The following FSIP2 variants were observed in gnomAD, a reference collection of about 807,000 sequenced individuals.
The protein encoded by FSIP2 is fibrous sheath interacting protein 2.
In FSIP2, 367 loss-of-function variants were observed where a neutral mutation model predicts 510.5. That is an observed-to-expected ratio of 0.72 (90% CI 0.66 to 0.78). FSIP2 has a LOEUF of 0.78. Ranked by LOEUF, FSIP2 falls within the 30% of genes least tolerant of loss-of-function variation. The pLI is 0.00. For synonymous variants in FSIP2, 2,601 were observed against 2,732.2 expected, an observed-to-expected ratio of 0.95 and a Z score of 1.50; for missense variants, 7,594 against 7,901.7, an observed-to-expected ratio of 0.96 and a Z score of 1.48.
Position 185,802,646 on chromosome 2 carries a change from T to A in FSIP2, c.13340T>A (p.Ile4447Asn), listed in dbSNP as rs1365137646. The A allele has an allele frequency of 2.6e-6, 4 of 1,533,646 alleles. No homozygotes were observed. Among genetic ancestry groups the A allele is most frequent in the East Asian group, 4.9e-5 (2 of 40,830 alleles). The part of the protein sequence containing the change: ...ENIVQDILSN[I>N]SKSTEPSQSV... ...ATTGTTCAGGACATCCTTAGTAACATCAGTAAATCTACTGAGCCAAGCCAG... is the reference window on the plus strand; with the variant it reads ...ATTGTTCAGGACATCCTTAGTAACAACAGTAAATCTACTGAGCCAAGCCAG... Residue 4447 changes from isoleucine to asparagine, a missense_variant, in exon 17 of 23, where the codon ATC becomes AAC. Ile to Asn is a moderately radical substitution (Grantham distance 149). Coordinates refer to ENST00000424728, the MANE Select transcript of FSIP2 (RefSeq NM_173651.4).
At position 185,800,432 on chromosome 2, in the gene FSIP2, C is replaced by A. The variant is rs772434217; in HGVS notation, c.11126C>A (p.Pro3709Gln). 6.5e-7 allele frequency: 1 copy of A among 1,527,536 alleles called. No homozygotes were observed. Among genetic ancestry groups the A allele is most frequent in the South Asian group, 1.2e-5 (1 of 82,374 alleles). 94.6% of individuals were successfully genotyped at this position (1,527,536 alleles called of 1,614,324 possible). A position where few individuals can be genotyped will look rare whatever the true frequency, so the allele number is the denominator to read the frequency against. The stretch of plus-strand genomic sequence containing the variant: ...AATATTGTTTCAGATTTATTTTCAC[C>A]AGATGAATGCCTAGATACGGGTATG... ...VFNIVSDLFS[P>Q]DECLDTGMDS... The change falls in exon 17 of 23, where the codon CCA (proline) becomes CAA (glutamine). Residue 3709 changes from proline (P) to glutamine (Q), a missense_variant. By Grantham distance (76) the Pro-to-Gln change is moderately conservative. Transcript: ENST00000424728.
At chr2:185,748,550 G>C (rs546767735) in intron 7 of FSIP2, among the ~76,000 whole-genome samples, 2 of 151,958 alleles carry the variant, frequency 1.3e-5, no homozygotes, top group East Asian at 3.9e-4. Context: ...TCTCTGGGCG[G>C]CAGAGCAAGA....
intron 13 of FSIP2, 83 bp from the exon 14 acceptor site, chr2:185,782,622 A>G (rs1389564792): frequency 1.2e-6 from 1 of 825,622 alleles, no homozygotes. Flanking sequence ...ATAACAGAAA[A>G]TAAATACCTA....
At chr2:185,828,135 T>C (rs1371148241) in intron 20 of FSIP2, 21 bp from the exon 21 acceptor site, 1 of 1,446,406 alleles carries the variant, frequency 6.9e-7, no homozygotes, top group Non-Finnish European at 9.6e-7. Flanking sequence ...TATTTTACTT[T>C]TTTTTTTTTA....
At chr2:185,812,525 G>A (rs1167763241) in intron 17 of FSIP2, among the ~76,000 whole-genome samples, 1 of 151,948 alleles carries the variant, frequency 6.6e-6, no homozygotes, top group East Asian at 1.9e-4. Context: ...TTCAACAAAA[G>A]GACACAGCAG....
chr2:185,776,735 TTTATTA>T (rs1244392142), intron 13 of FSIP2, among the ~76,000 whole-genome samples: 1 of 152,084 alleles, frequency 6.6e-6, no homozygotes, highest in African/African-American at 2.4e-5. Context: ...ATGCAAGATT[TTTATTA>T]TTATTATTTT....
Position 185,807,041 on chromosome 2 carries a change from T to C in FSIP2, c.17735T>C (p.Leu5912Ser). 1 of 1,594,586 alleles carries C rather than the reference T, an allele frequency of 6.3e-7. No homozygotes were observed. Among genetic ancestry groups the C allele is most frequent in the Non-Finnish European group, 8.5e-7 (1 of 1,173,482 alleles). Reference sequence around the variant, plus strand: ...AAGATACCATCAATTGACAAAACATTGGTCAATAAAGTTGTTCACTCCTCT... The same window carrying C: ...AAGATACCATCAATTGACAAAACATCGGTCAATAAAGTTGTTCACTCCTCT... ...SDKIPSIDKT[L>S]VNKVVHSSVC... Residue 5912 changes from leucine (L) to serine (S), a missense_variant, in exon 17 of 23, where the codon TTG becomes TCG. Leu to Ser is a moderately radical substitution (Grantham distance 145, BLOSUM62 -2). Coordinates refer to ENST00000424728, the MANE Select transcript of FSIP2 (RefSeq NM_173651.4).
In FSIP2 at chr2:185,831,797, C is replaced by A. The variant is rs1354507132; in HGVS notation, c.20518-16C>A. 1.3e-6 allele frequency: 2 copies of A among 1,584,006 alleles called. No individual in the cohort carries two copies. The highest frequency in any genetic ancestry group is 1.7e-6 in the Non-Finnish European group (2 of 1,153,676). On this transcript the variant is annotated splice_polypyrimidine_tract_variant and intron_variant, in intron 21 of 22. Coordinates refer to ENST00000424728, the MANE Select transcript of FSIP2 (RefSeq NM_173651.4). ...CCAGTGAAAGACTCAGTTTGTATTTCAATTTACCTTGGCAGTTTATCACCA... is the reference window on the plus strand; with the variant it reads ...CCAGTGAAAGACTCAGTTTGTATTTAAATTTACCTTGGCAGTTTATCACCA...
At chr2:185,763,127 C>T (rs1413064897) in intron 11 of FSIP2, 56 bp from the exon 12 acceptor site, 1 of 779,552 alleles carries the variant, frequency 1.3e-6, no homozygotes. Flanking sequence ...TTAATATTAA[C>T]CCTTGTCCCA....
chr2:185,802,345 A>T lies in FSIP2; in HGVS notation c.13039A>T (p.Asn4347Tyr). 1 of 1,533,322 alleles carries T rather than the reference A, an allele frequency of 6.5e-7. No individual in the cohort carries two copies. The highest frequency in any genetic ancestry group is 8.7e-7 in the Non-Finnish European group (1 of 1,145,244). The allele number at this position is 1,533,322 out of a possible 1,614,324, so 95.0% of individuals were successfully genotyped here. The change falls in exon 17 of 23, where the codon AAT becomes TAT. Residue 4347 changes from asparagine (N) to tyrosine (Y), a missense_variant. Transcript: ENST00000424728. ...RIVNSINRHF[N>Y]KAKIHILYDD... ...AGTAAACTCCATAAATAGGCATTTC[A>T]ATAAAGCTAAAATTCACATTCTCTA...
intron 13 of FSIP2, among the ~76,000 whole-genome samples, chr2:185,779,243 T>C (rs982542153): frequency 3.3e-5 from 5 of 151,974 alleles, no homozygotes; most frequent in Admixed American, 6.5e-5. Context: ...CTTTTTAATA[T>C]ATTTTTATTT....
At chr2:185,781,281 A>ACTT (rs1692843499) in intron 13 of FSIP2, among the ~76,000 whole-genome samples, 1 of 152,194 alleles carries the variant, frequency 6.6e-6, no homozygotes, top group African/African-American at 2.4e-5. Flanking sequence ...TAAATTCAAC[A>ACTT]CTTTATTATA....
In FSIP2 at chr2:185,796,705, T is replaced by C; in HGVS notation, c.9569T>C (p.Phe3190Ser). The change falls in exon 16 of 23, where the codon TTT becomes TCT. Residue 3190 changes from phenylalanine to serine, a missense_variant. Coordinates refer to ENST00000424728, the MANE Select transcript of FSIP2 (RefSeq NM_173651.4). ...PSQVSKTGFV[F>S]CSDEDMKEKY... ...CAAGTGAGTAAAACTGGGTTTGTGT[T>C]TTGTTCAGATGAAGATATGAAAGAA... The C allele has an allele frequency of 6.5e-7, 1 of 1,535,084 alleles. No homozygotes were observed. Among genetic ancestry groups the C allele is most frequent in the Non-Finnish European group, 8.7e-7 (1 of 1,146,252 alleles).
Position 185,786,239 on chromosome 2 carries a change from C to T in FSIP2, c.1470-13C>T, listed in dbSNP as rs938121646. 1 of 1,508,686 alleles carries T rather than the reference C, an allele frequency of 6.6e-7. No homozygotes were observed. The highest frequency in any genetic ancestry group is 8.9e-7 in the Non-Finnish European group (1 of 1,127,536). The allele number at this position is 1,508,686 out of a possible 1,614,324, so 93.5% of individuals were successfully genotyped here. A position where few individuals can be genotyped will look rare whatever the true frequency, so the allele number is the denominator to read the frequency against. On this transcript the variant is annotated splice_polypyrimidine_tract_variant and intron_variant, in intron 14 of 22. Transcript: ENST00000424728. ...CTCTATGTAATAACTAAATGATCAA[C>T]CTTTCTTTACAGGCAACAGAACTTG...
In FSIP2 at chr2:185,823,897, G is replaced by A. The variant is rs191950403; in HGVS notation, c.20427-537G>A. Among the ~76,000 whole-genome samples, 220 of 151,884 alleles carry A rather than the reference G, an allele frequency of 1.4e-3. 1 individual carries two copies. The highest frequency in any genetic ancestry group is 2.4e-3 in the Non-Finnish European group (162 of 67,790). On this transcript the variant is annotated intron_variant, in intron 19 of 22. Coordinates refer to ENST00000424728, the MANE Select transcript of FSIP2 (RefSeq NM_173651.4). ...TAAATATTCAATGGAATGTTATTCA[G>A]CCTTAAAAAAGGAAGGATATTATGA...
intron 13 of FSIP2, among the ~76,000 whole-genome samples, chr2:185,780,569 T>TG (rs1692826815): frequency 1.3e-5 from 2 of 151,816 alleles, no homozygotes; most frequent in Non-Finnish European, 2.9e-5. Flanking sequence ...TCAAAACCCT[T>TG]CTTTATATAT....
At chr2:185,815,527 G>T (rs1259724071) in intron 19 of FSIP2, 56 bp downstream of exon 19, 4 of 813,768 alleles carry the variant, frequency 4.9e-6, no homozygotes, top group Non-Finnish European at 7.7e-6. Context: ...GAGCTTATGA[G>T]TAGAATGGGG....
chr2:185,798,169 A>G (rs1349139763), intron 16 of FSIP2, among the ~76,000 whole-genome samples: 1 of 151,902 alleles, frequency 6.6e-6, no homozygotes, highest in Non-Finnish European at 1.5e-5. Flanking sequence ...GGGTTTTTAA[A>G]ATTCTTATGC....
In FSIP2 at chr2:185,790,566, A is replaced by G. The variant is rs2105612584; in HGVS notation, c.3430A>G (p.Lys1144Glu). Residue 1144 changes from lysine to glutamate, a missense_variant, in exon 16 of 23, where the codon AAG becomes GAG. Transcript: ENST00000424728. ...TGAAGCTTCAGTTCTTGTTTCAGAA[A>G]AGCCTCAAGGACTGTCACATCAAGA... The part of the protein sequence containing the change: ...GSEASVLVSE[K>E]PQGLSHQEWI... 6.5e-7 allele frequency: 1 copy of G among 1,533,746 alleles called. No individual in the cohort carries two copies. The highest frequency in any genetic ancestry group is 2.4e-5 in the East Asian group (1 of 40,846).
Sources: gnomAD v4.1 joint callset for allele counts (sites outside exome capture counted in the v4.1 genomes callset) on GRCh38, gnomAD v4.1.1 for gene constraint, MANE v1.5 for transcripts, NCBI Gene and HGNC (gene_info 2026-07-23, HGNC 2026-07-21) for gene names.